MAN2A1: variants seen among roughly 807,000 people sequenced by gnomAD.
MAN2A1 encodes mannosidase alpha class 2A member 1, also known as alpha-mannosidase 2.
MAN2A1 carries 76 observed loss-of-function variants against 142.6 expected under a neutral mutation model. The observed-to-expected ratio is 0.53, with a 90% CI of 0.44 to 0.65. The LOEUF (loss-of-function observed/expected upper bound fraction) is 0.65, where lower values mean the gene tolerates loss of function less well. Among genes scored for constraint, MAN2A1 ranks in the 30% least tolerant of loss-of-function variants. The probability of loss-of-function intolerance (pLI) is 0.00; values close to 1 mark genes in which losing one functional copy is unlikely to be tolerated. For missense variants in MAN2A1, 1,311 were observed against 1,365.1 expected, an observed-to-expected ratio of 0.96 and a Z score of 0.62; for synonymous variants, 559 against 473.2, an observed-to-expected ratio of 1.18 and a Z score of -2.35.
At chr5:109,695,967 C>T (rs1750800084) in intron 1 of MAN2A1, among the ~76,000 whole-genome samples, 2 of 151,996 alleles carry the variant, frequency 1.3e-5, no homozygotes, top group African/African-American at 4.8e-5. Flanking sequence ...CTAAATGTGC[C>T]TATAATAGGG....
At chr5:109,801,133 A>G (rs552410987) in intron 12 of MAN2A1, among the ~76,000 whole-genome samples, 3 of 152,268 alleles carry the variant, frequency 2.0e-5, no homozygotes, top group African/African-American at 4.8e-5. Flanking sequence ...TATTATTCTT[A>G]TGGACAAGTT....
At chr5:109,840,880 A>G (rs1055317444) in intron 16 of MAN2A1, among the ~76,000 whole-genome samples, 1 of 152,156 alleles carries the variant, frequency 6.6e-6, no homozygotes, top group Non-Finnish European at 1.5e-5. Context: ...GCCTGCATTT[A>G]CACTCTTTCC....
intron 16 of MAN2A1, among the ~76,000 whole-genome samples, chr5:109,833,156 G>T (rs2112745126): frequency 6.6e-6 from 1 of 151,556 alleles, no homozygotes; most frequent in African/African-American, 2.4e-5. Flanking sequence ...GGGGATGGCG[G>T]CTGGGAAGAG....
chr5:109,853,289 C>A (rs191053402), intron 19 of MAN2A1, among the ~76,000 whole-genome samples: 7 of 152,234 alleles, frequency 4.6e-5, no homozygotes, highest in African/African-American at 7.2e-5. Context: ...ATGAAATTCA[C>A]CTGGGGAGGC....
chr5:109,748,870 C>A (rs1752474364), intron 4 of MAN2A1, among the ~76,000 whole-genome samples: 1 of 151,214 alleles, frequency 6.6e-6, no homozygotes, highest in African/African-American at 2.4e-5. Context: ...TGAGTTTCTC[C>A]TATCATTATA....
chr5:109,736,478 C>G (rs1752101486), intron 4 of MAN2A1, among the ~76,000 whole-genome samples: 1 of 152,064 alleles, frequency 6.6e-6, no homozygotes, highest in Non-Finnish European at 1.5e-5. Context: ...GATCATGCCC[C>G]TGCACTCCAG....
chr5:109,754,667 G>A (rs986092451), intron 4 of MAN2A1, among the ~76,000 whole-genome samples: 6 of 152,192 alleles, frequency 3.9e-5, no homozygotes, highest in African/African-American at 1.4e-4. Flanking sequence ...CATATAGTCT[G>A]TGTAAAACAC....
intron 10 of MAN2A1, among the ~76,000 whole-genome samples, chr5:109,787,524 A>G (rs1239747972): frequency 6.6e-6 from 1 of 152,008 alleles, no homozygotes; most frequent in East Asian, 1.9e-4. Context: ...GTTTTGTTTT[A>G]AGCAAAGCAG....
At chr5:109,820,526 TG>T (rs1358722829) in intron 15 of MAN2A1, among the ~76,000 whole-genome samples, 184 bp downstream of exon 15, 15 of 152,188 alleles carry the variant, frequency 9.9e-5, no homozygotes, top group Admixed American at 3.9e-4. Flanking sequence ...GTTAGATAAA[TG>T]GTTGGGCGCA....
At chr5:109,730,169 A>G (rs566058463) in intron 4 of MAN2A1, among the ~76,000 whole-genome samples, 1 of 152,296 alleles carries the variant, frequency 6.6e-6, no homozygotes, top group South Asian at 2.1e-4. Context: ...CTTTTTAGTC[A>G]GCAATATAAT....
chr5:109,753,786 G>A (rs184727415), intron 4 of MAN2A1, among the ~76,000 whole-genome samples: 1 of 152,226 alleles, frequency 6.6e-6, no homozygotes, highest in Admixed American at 6.5e-5. Flanking sequence ...AGTGATGTAT[G>A]TCCTTTTTAA....
chr5:109,815,924 A>T (rs1408891600), intron 12 of MAN2A1, among the ~76,000 whole-genome samples: 1 of 152,242 alleles, frequency 6.6e-6, no homozygotes, highest in Non-Finnish European at 1.5e-5. Context: ...TGCACTAGTG[A>T]ATCAGTGAGT....
intron 21 of MAN2A1, 136 bp downstream of exon 21, chr5:109,865,282 T>A: frequency 1.5e-6 from 1 of 653,344 alleles, no homozygotes; most frequent in Non-Finnish European, 2.7e-6. Context: ...TTAGTTTGAA[T>A]CTCCCCATCT....
At chr5:109,775,174 G>A (rs1253443592) in intron 8 of MAN2A1, among the ~76,000 whole-genome samples, 2 of 152,024 alleles carry the variant, frequency 1.3e-5, no homozygotes, top group Non-Finnish European at 2.9e-5. Flanking sequence ...CACTCCTTGA[G>A]GATTAAAGAG....
chr5:109,793,561 T>C (rs543297499), intron 12 of MAN2A1, among the ~76,000 whole-genome samples: 16 of 152,234 alleles, frequency 1.1e-4, no homozygotes, highest in African/African-American at 3.8e-4. Context: ...TTTGGTCTCA[T>C]ATTTGGAGGT....
chr5:109,749,091 A>G (rs1752481338), intron 4 of MAN2A1, among the ~76,000 whole-genome samples: 1 of 152,072 alleles, frequency 6.6e-6, no homozygotes, highest in Non-Finnish European at 1.5e-5. Context: ...GTTTCTCCAG[A>G]TGTGTCATTA....
chr5:109,738,386 A>C (rs1189288465), intron 4 of MAN2A1, among the ~76,000 whole-genome samples: 1 of 152,086 alleles, frequency 6.6e-6, no homozygotes, highest in African/African-American at 2.4e-5. Flanking sequence ...TCTTCATTGT[A>C]AACTGTATGT....
At chr5:109,752,759 C>T (rs773324484) in intron 4 of MAN2A1, among the ~76,000 whole-genome samples, 2 of 152,200 alleles carry the variant, frequency 1.3e-5, no homozygotes, top group Non-Finnish European at 2.9e-5. Context: ...TTTCATGCCT[C>T]CTCAAAATTA....
chr5:109,797,571 A>G (rs1444604633), intron 12 of MAN2A1, among the ~76,000 whole-genome samples: 1 of 152,176 alleles, frequency 6.6e-6, no homozygotes, highest in African/African-American at 2.4e-5. Flanking sequence ...GATGATCGGT[A>G]TGGAGGACAA....
Sources: allele counts gnomAD v4.1 joint callset (sites outside exome capture counted in the v4.1 genomes callset), GRCh38; gene constraint gnomAD v4.1.1; transcripts MANE v1.5; gene names NCBI Gene and HGNC (gene_info 2026-07-23, HGNC 2026-07-21).